Variants in ATXN7L1 observed in about 807,000 individuals in gnomAD.
ATXN7L1 encodes the protein ataxin-7-like protein 1.
Under a neutral mutation model 70.8 loss-of-function variants are expected in ATXN7L1, and 15 were observed. That is an observed-to-expected ratio of 0.21 (90% confidence interval 0.14 to 0.33). The LOEUF is 0.33. Among genes scored for constraint, ATXN7L1 ranks in the 10% least tolerant of loss-of-function variants. The pLI is 1.00. For synonymous variants in ATXN7L1, 440 were observed against 445.1 expected, an observed-to-expected ratio of 0.99 and a Z score of 0.14; for missense variants, 975 against 1,097.1, an observed-to-expected ratio of 0.89 and a Z score of 1.57.
At chr7:105,872,004 T>C (rs1425458985) in intron 2 of ATXN7L1, among the ~76,000 whole-genome samples, 2 of 152,032 alleles carry the variant, frequency 1.3e-5, no homozygotes, top group Admixed American at 6.6e-5. Context: ...AATTTTTTTT[T>C]TTTTTTGAGC....
chr7:105,809,712 A>G (rs1015665180), intron 2 of ATXN7L1, among the ~76,000 whole-genome samples: 1 of 152,046 alleles, frequency 6.6e-6, no homozygotes, highest in South Asian at 2.1e-4. Flanking sequence ...GAGGAAACTG[A>G]GGCAAAGGGA....
At chr7:105,710,743 T>C (rs1214165720) in intron 3 of ATXN7L1, among the ~76,000 whole-genome samples, 2 of 152,190 alleles carry the variant, frequency 1.3e-5, no homozygotes, top group African/African-American at 4.8e-5. Flanking sequence ...TTTTAAACCA[T>C]CTGGCCAGTG....
chr7:105,622,845 A>G (rs753153977), intron 8 of ATXN7L1, among the ~76,000 whole-genome samples: 1 of 152,158 alleles, frequency 6.6e-6, no homozygotes, highest in South Asian at 2.1e-4. Context: ...GTAGCACACC[A>G]CTGGGTGAGG....
chr7:105,863,686 G>A (rs1816968997), intron 2 of ATXN7L1, among the ~76,000 whole-genome samples: 1 of 152,198 alleles, frequency 6.6e-6, no homozygotes, highest in South Asian at 2.1e-4. Context: ...TGTTACCTTG[G>A]GTAAATCACT....
Position 105,624,086 on chromosome 7 carries a change from T to G in ATXN7L1, c.1384A>C (p.Arg462=). 6.8e-7 allele frequency: 1 copy of G among 1,464,424 alleles called. No individual in the cohort carries two copies. The highest frequency in any genetic ancestry group is 1.4e-5 in the South Asian group (1 of 72,574). 90.7% of individuals were successfully genotyped at this position (1,464,424 alleles called of 1,614,324 possible). Residue 462 remains arginine, a synonymous_variant, in exon 8 of 12, where the codon AGA becomes CGA. Coordinates refer to ENST00000419735, the MANE Select transcript of ATXN7L1 (RefSeq NM_020725.2). ...GGAAGGAGGCCTACCGCCAGAGGTC[T>G]GGGGTGGTGCGTGGAGAACTGACAG... The part of the protein sequence containing the change: ...LDCQFSTHHP[R]PLAFCSFGSR...
intron 3 of ATXN7L1, among the ~76,000 whole-genome samples, chr7:105,778,526 A>AC (rs369110359): frequency 0.16 from 19,717 of 122,498 alleles, 1,794 homozygotes; most frequent in Non-Finnish European, 0.2. Context: ...AAAAAAAAAA[A>AC]AAAAAAAAAC....
intron 10 of ATXN7L1, among the ~76,000 whole-genome samples, chr7:105,612,634 A>G (rs7803417): frequency 0.54 from 81,370 of 151,886 alleles, 22,000 homozygotes; most frequent in East Asian, 0.69. Context: ...ACCCCTGGCC[A>G]TGGGGAGTCA....
chr7:105,633,209 C>T lies in ATXN7L1; in HGVS notation c.1202+5144G>A, dbSNP rs141372554. On this transcript the variant is annotated intron_variant, in intron 7 of 11. Coordinates refer to ENST00000419735, the MANE Select transcript of ATXN7L1 (RefSeq NM_020725.2). ...AGTGTGCAAGGATTCTAAATATTGA[C>T]CTCCCACAAATCTTTTCACAGGAAG... Among the ~76,000 whole-genome samples the T allele has an allele frequency of 1.5e-4, 23 of 152,164 alleles. No individual in the cohort carries two copies. The East Asian group carries it at 4.4e-3, about 29-fold the overall frequency.
chr7:105,807,955 T>C (rs1214728703), intron 2 of ATXN7L1, among the ~76,000 whole-genome samples: 2 of 152,238 alleles, frequency 1.3e-5, no homozygotes, highest in Non-Finnish European at 2.9e-5. Context: ...ATACAAGTCC[T>C]TAAAGAGGCC....
At chr7:105,789,671 A>C (rs1585010286) in intron 2 of ATXN7L1, among the ~76,000 whole-genome samples, 1 of 152,092 alleles carries the variant, frequency 6.6e-6, no homozygotes, top group African/African-American at 2.4e-5. Flanking sequence ...AGAACAGGGG[A>C]AACAGCAGGG....
At position 105,643,130 on chromosome 7, in the gene ATXN7L1, T is replaced by C. The variant is rs1216134533; in HGVS notation, c.579-9A>G. On this transcript the variant is annotated splice_polypyrimidine_tract_variant and intron_variant, in intron 4 of 11. Transcript: ENST00000419735. ...CTACAGGAACTGGAACACTGAAAAATAAATGAACAAACACACACAATTGTC... is the reference window on the plus strand; with the variant it reads ...CTACAGGAACTGGAACACTGAAAAACAAATGAACAAACACACACAATTGTC... The C allele has an allele frequency of 6.7e-7, 1 of 1,499,380 alleles. No individual in the cohort carries two copies. Among genetic ancestry groups the C allele is most frequent in the African/African-American group, 1.4e-5 (1 of 71,244 alleles). 92.9% of individuals were successfully genotyped at this position (1,499,380 alleles called of 1,614,324 possible).
chr7:105,840,022 G>A (rs992099363), intron 2 of ATXN7L1, among the ~76,000 whole-genome samples: 1 of 152,200 alleles, frequency 6.6e-6, no homozygotes, highest in East Asian at 1.9e-4. Flanking sequence ...AAGTTGCCAG[G>A]TGGACCAAGG....
chr7:105,698,726 T>G (rs984960874), intron 3 of ATXN7L1, among the ~76,000 whole-genome samples: 7 of 152,182 alleles, frequency 4.6e-5, no homozygotes, highest in Admixed American at 3.9e-4. Context: ...CATTACAGTT[T>G]GAAAGATGAC....
At chr7:105,781,987 C>T (rs1803600420) in intron 3 of ATXN7L1, among the ~76,000 whole-genome samples, 1 of 152,162 alleles carries the variant, frequency 6.6e-6, no homozygotes, top group Non-Finnish European at 1.5e-5. Context: ...CACAACACTA[C>T]GCCTGGCTAA....
chr7:105,616,134 AG>A (rs1793860543), intron 9 of ATXN7L1, among the ~76,000 whole-genome samples: 1 of 152,184 alleles, frequency 6.6e-6, no homozygotes, highest in South Asian at 2.1e-4. Context: ...GGGGCTCACT[AG>A]CGATTAGGAA....
At chr7:105,784,849 C>T (rs185381202) in intron 3 of ATXN7L1, among the ~76,000 whole-genome samples, 11 of 152,306 alleles carry the variant, frequency 7.2e-5, no homozygotes, top group Admixed American at 2.0e-4. Flanking sequence ...GTCTCCTCTA[C>T]ATCAACAAAG....
chr7:105,795,388 G>A (rs1215221942), intron 2 of ATXN7L1, among the ~76,000 whole-genome samples: 1 of 152,154 alleles, frequency 6.6e-6, no homozygotes, highest in African/African-American at 2.4e-5. Flanking sequence ...TTTGAAAATG[G>A]TTACAGTTAA....
At chr7:105,795,583 G>T (rs1422335172) in intron 2 of ATXN7L1, among the ~76,000 whole-genome samples, 1 of 152,154 alleles carries the variant, frequency 6.6e-6, no homozygotes, top group African/African-American at 2.4e-5. Context: ...GAGCTCAAAT[G>T]ATGAAAACCT....
chr7:105,824,880 C>A (rs1318000068), intron 2 of ATXN7L1, among the ~76,000 whole-genome samples: 5 of 150,718 alleles, frequency 3.3e-5, no homozygotes, highest in African/African-American at 4.9e-5. Flanking sequence ...TGAGATCACG[C>A]CACTACACTC....
Sources: allele counts gnomAD v4.1 joint callset (sites outside exome capture counted in the v4.1 genomes callset), GRCh38; gene constraint gnomAD v4.1.1; transcripts MANE v1.5; gene names NCBI Gene and HGNC (gene_info 2026-07-23, HGNC 2026-07-21).